Variants in PDE3B observed in about 807,000 individuals in gnomAD.
PDE3B encodes cGMP-inhibited 3',5'-cyclic phosphodiesterase 3B.
In PDE3B, 66 loss-of-function variants were observed where a neutral mutation model predicts 116.8. That is an observed-to-expected ratio of 0.56 (90% confidence interval 0.46 to 0.69). The LOEUF is 0.69. Among genes scored for constraint, PDE3B ranks in the 30% least tolerant of loss-of-function variants. The pLI, the probability that PDE3B is intolerant of heterozygous loss-of-function variation, is 0.00. For synonymous variants in PDE3B, 595 were observed against 533.6 expected (o/e 1.12, Z -1.59); for missense variants, 1,384 against 1,368.1 (o/e 1.01, Z -0.18).
chr11:14,804,584 T>C (rs1024367266), intron 5 of PDE3B, among the ~76,000 whole-genome samples: 7 of 152,082 alleles, frequency 4.6e-5, no homozygotes, highest in African/African-American at 1.7e-4. Flanking sequence ...ATGGCTGATA[T>C]CACATAGGTA....
intron 2 of PDE3B, chr11:14,776,385 G>C (rs534460175): frequency 1.3e-5 from 2 of 152,312 alleles, no homozygotes; most frequent in Admixed American, 1.3e-4. Context: ...GCCTAGCCCA[G>C]AAAGTGATCT....
Position 14,783,735 on chromosome 11 carries a change from C to T in PDE3B, c.1030-2702C>T, listed in dbSNP as rs573992915. On this transcript the variant is annotated intron_variant, in intron 2 of 15. Coordinates refer to ENST00000282096, the MANE Select transcript of PDE3B (RefSeq NM_000922.4). ...ATGTAACAAACCTGCACATTGTGCA[C>T]ATGTACCCTAGAACACAAAATATAA... Among the ~76,000 whole-genome samples the T allele has an allele frequency of 4.8e-4, 73 of 151,882 alleles. No individual in the cohort carries two copies. The Middle Eastern group carries it at 0.014, about 28-fold the overall frequency.
chr11:14,757,329 G>T (rs1382072806), intron 1 of PDE3B, among the ~76,000 whole-genome samples: 2 of 146,074 alleles, frequency 1.4e-5, no homozygotes, highest in Admixed American at 6.8e-5. Flanking sequence ...GTAATGGGAT[G>T]GCTGGGTCAA....
At chr11:14,779,028 A>G (rs1187781872) in intron 2 of PDE3B, among the ~76,000 whole-genome samples, 1 of 152,180 alleles carries the variant, frequency 6.6e-6, no homozygotes, top group African/African-American at 2.4e-5. Flanking sequence ...TGACACATGC[A>G]CAAGCTTCAG....
At chr11:14,685,322 C>T (rs1359421501) in intron 1 of PDE3B, among the ~76,000 whole-genome samples, 1 of 152,010 alleles carries the variant, frequency 6.6e-6, no homozygotes, top group African/African-American at 2.4e-5. Context: ...TCTATTGCAC[C>T]ACTCCCCCTG....
chr11:14,804,205 C>T (rs971526592), intron 5 of PDE3B, among the ~76,000 whole-genome samples, 155 bp downstream of exon 5: 6 of 152,100 alleles, frequency 3.9e-5, no homozygotes, highest in African/African-American at 1.2e-4. Context: ...ACTAATTGAC[C>T]GTTTGCTAAT....
chr11:14,851,354 TTC>T (rs999125462), intron 12 of PDE3B, among the ~76,000 whole-genome samples: 1 of 152,194 alleles, frequency 6.6e-6, no homozygotes, highest in African/African-American at 2.4e-5. Flanking sequence ...TGTAGCCATT[TTC>T]TGTTTTTCTT....
chr11:14,893,844 G>GGGA, the PDE3B span, among the ~76,000 whole-genome samples: 1 of 152,132 alleles, frequency 6.6e-6, no homozygotes, highest in African/African-American at 2.4e-5. Context: ...CATATTCACA[G>GGGA]TTCTAGGGAT....
chr11:14,693,121 C>G (rs936587957), intron 1 of PDE3B, among the ~76,000 whole-genome samples: 5 of 152,218 alleles, frequency 3.3e-5, no homozygotes, highest in African/African-American at 1.2e-4. Flanking sequence ...TATCCCAGAT[C>G]CAGGCCCTAA....
At chr11:14,849,575 C>T (rs11023360) in intron 12 of PDE3B, among the ~76,000 whole-genome samples, 165 of 152,166 alleles carry the variant, frequency 1.1e-3, no homozygotes, top group Middle Eastern at 0.01. Context: ...AGAAAATTTT[C>T]GCAACCTACT....
chr11:14,742,731 GGTCTTTA>G (rs1856805927), intron 1 of PDE3B, among the ~76,000 whole-genome samples: 1 of 152,050 alleles, frequency 6.6e-6, no homozygotes, highest in Non-Finnish European at 1.5e-5. Context: ...ATCTACCTTT[GGTCTTTA>G]ATGTTGGTGA....
chr11:14,692,790 C>T (rs954942611), intron 1 of PDE3B, among the ~76,000 whole-genome samples: 8 of 151,988 alleles, frequency 5.3e-5, no homozygotes, highest in African/African-American at 7.3e-5. Flanking sequence ...GAAAATGGGC[C>T]GATTAATAAT....
intron 14 of PDE3B, among the ~76,000 whole-genome samples, chr11:14,863,441 C>T (rs1233265129): frequency 6.6e-6 from 1 of 152,160 alleles, no homozygotes; most frequent in African/African-American, 2.4e-5. Flanking sequence ...CTAATGACTA[C>T]TGATGATGAG....
chr11:14,672,185 T>G (rs548809082), intron 1 of PDE3B, among the ~76,000 whole-genome samples: 2 of 151,824 alleles, frequency 1.3e-5, no homozygotes, highest in African/African-American at 4.8e-5. Flanking sequence ...CAATGTCTTA[T>G]CCCTTTTCTT....
At position 14,643,873 on chromosome 11, in the gene PDE3B, C is replaced by T. The variant is rs1047641578; in HGVS notation, c.-203C>T. On this transcript the variant is annotated 5_prime_UTR_variant, in exon 1 of 16. Coordinates refer to ENST00000282096, the MANE Select transcript of PDE3B (RefSeq NM_000922.4). ...GGTCCTGGAGAGAAGCCCCTTCCGCCCCTCTCCTCAGCCAGCATGTCCCGG... is the reference window on the plus strand; with the variant it reads ...GGTCCTGGAGAGAAGCCCCTTCCGCTCCTCTCCTCAGCCAGCATGTCCCGG... 57 of 674,964 alleles carry T rather than the reference C, an allele frequency of 8.4e-5. No homozygotes were observed. The highest frequency in any genetic ancestry group is 1.1e-4 in the Non-Finnish European group (50 of 449,830). The allele number at this position is 674,964 out of a possible 1,614,324, so 41.8% of individuals were successfully genotyped here. A position where few individuals can be genotyped will look rare whatever the true frequency, so the allele number is the denominator to read the frequency against.
intron 4 of PDE3B, among the ~76,000 whole-genome samples, chr11:14,797,632 G>A (rs1858598419): frequency 6.6e-6 from 1 of 152,122 alleles, no homozygotes; most frequent in South Asian, 2.1e-4. Context: ...TCTCCTTGAA[G>A]AGGTCCTTCA....
In PDE3B at chr11:14,671,083, G is replaced by C. The variant is rs543314624; in HGVS notation, c.978+26030G>C. Among the ~76,000 whole-genome samples the C allele has an allele frequency of 1.9e-4, 29 of 152,186 alleles. 1 individual carries two copies. The South Asian group carries it at 2.5e-3, about 13-fold the overall frequency. ...ATACTGTGATTAGTACAGTGAACAA[G>C]ACACATCAGTCTCCTGCCCTAATGG... is the stretch of plus-strand genomic sequence containing the variant. On this transcript the variant is annotated intron_variant, in intron 1 of 15. Coordinates refer to ENST00000282096, the MANE Select transcript of PDE3B (RefSeq NM_000922.4).
At chr11:14,857,295 G>A (rs1284569886) in intron 12 of PDE3B, among the ~76,000 whole-genome samples, 5 of 152,158 alleles carry the variant, frequency 3.3e-5, no homozygotes, top group Non-Finnish European at 4.4e-5. Context: ...CTAAGAGCCC[G>A]CAGTAAGAGC....
the PDE3B span, among the ~76,000 whole-genome samples, chr11:14,883,287 T>C: frequency 9.9e-3 from 1,504 of 151,878 alleles, 13 homozygotes; most frequent in Non-Finnish European, 0.012. Flanking sequence ...CAAACTATAC[T>C]ACAAGGCTAC....
Sources: allele counts gnomAD v4.1 joint callset (sites outside exome capture counted in the v4.1 genomes callset), GRCh38; gene constraint gnomAD v4.1.1; transcripts MANE v1.5; gene names NCBI Gene and HGNC (gene_info 2026-07-23, HGNC 2026-07-21).